ZNG1E: variants seen among roughly 807,000 people sequenced by gnomAD.
The protein encoded by ZNG1E is zinc-regulated GTPase metalloprotein activator 1E.
chr9:65,715,072 C>T, the ZNG1E span, among the ~76,000 whole-genome samples: 8 of 149,310 alleles, frequency 5.4e-5, no homozygotes, highest in East Asian at 5.8e-4. Context: ...TGGGACTCTC[C>T]GAGCCAGGTG....
chr9:65,657,804 C>A, the ZNG1E span, among the ~76,000 whole-genome samples: 1 of 152,406 alleles, frequency 6.6e-6, no homozygotes, highest in East Asian at 1.9e-4. Context: ...ACATTGTATA[C>A]TTGCATTAAA....
the ZNG1E span, among the ~76,000 whole-genome samples, chr9:65,663,890 G>T: frequency 1.3e-5 from 2 of 152,062 alleles, no homozygotes; most frequent in African/African-American, 2.4e-5. Flanking sequence ...AGTACTCCCT[G>T]AGGTAGTTCA....
At chr9:65,691,002 T>G in the ZNG1E span, 1 of 1,605,010 alleles carries the variant, frequency 6.2e-7, no homozygotes. Context: ...TGATGCTGAA[T>G]TAGGGAGTGA....
chr9:65,662,403 A>G, the ZNG1E span, among the ~76,000 whole-genome samples: 1 of 152,266 alleles, frequency 6.6e-6, no homozygotes, highest in Admixed American at 6.5e-5. Context: ...AATGTGAATA[A>G]GGTCTCTGGT....
chr9:65,687,934 A>G, the ZNG1E span, among the ~76,000 whole-genome samples: 1 of 150,740 alleles, frequency 6.6e-6, no homozygotes, highest in African/African-American at 2.4e-5. Context: ...TTCTAAGAAC[A>G]TTTTCCTTGT....
At chr9:65,709,378 G>T in the ZNG1E span, among the ~76,000 whole-genome samples, 2 of 148,326 alleles carry the variant, frequency 1.3e-5, no homozygotes, top group African/African-American at 5.1e-5. Flanking sequence ...ATACTTTAAG[G>T]TTTAGGGTAC....
the ZNG1E span, among the ~76,000 whole-genome samples, chr9:65,683,994 A>C: frequency 6.6e-6 from 1 of 152,288 alleles, no homozygotes; most frequent in African/African-American, 2.4e-5. Context: ...ATAGACAAAA[A>C]CTTGACACTT....
the ZNG1E span, among the ~76,000 whole-genome samples, chr9:65,665,117 A>G: frequency 1.3e-5 from 2 of 152,260 alleles, no homozygotes; most frequent in Admixed American, 1.3e-4. Flanking sequence ...CTGAGGAGAA[A>G]TTCAAGCTGG....
At chr9:65,714,616 G>T in the ZNG1E span, among the ~76,000 whole-genome samples, 1 of 152,096 alleles carries the variant, frequency 6.6e-6, no homozygotes, top group African/African-American at 2.4e-5. Flanking sequence ...AGGACCTTCA[G>T]CTGCAGGTCT....
the ZNG1E span, among the ~76,000 whole-genome samples, chr9:65,697,582 G>A: frequency 4.0e-5 from 1 of 25,202 alleles, no homozygotes; most frequent in African/African-American, 1.3e-4. Flanking sequence ...CAAATATAGA[G>A]TATTACTATA....
chr9:65,693,832 C>T, the ZNG1E span, among the ~76,000 whole-genome samples: 5 of 151,996 alleles, frequency 3.3e-5, 1 homozygote, highest in East Asian at 5.8e-4. Context: ...GCTGGGATTA[C>T]AGGCATGAGC....
the ZNG1E span, among the ~76,000 whole-genome samples, chr9:65,660,033 C>T: frequency 1.4e-5 from 2 of 142,990 alleles, no homozygotes; most frequent in Non-Finnish European, 3.0e-5. Flanking sequence ...ATGTGCTCCA[C>T]AAAAAATAAA....
chr9:65,665,016 T>C, the ZNG1E span, among the ~76,000 whole-genome samples: 9,931 of 148,518 alleles, frequency 0.067, 4 homozygotes, highest in Admixed American at 0.081. Context: ...TTGGGTGCTG[T>C]TAAAGGTATT....
At chr9:65,659,561 A>G in the ZNG1E span, among the ~76,000 whole-genome samples, 6 of 151,828 alleles carry the variant, frequency 4.0e-5, no homozygotes, top group African/African-American at 1.5e-4. Context: ...TCACTGTGTC[A>G]GAGGATATGA....
chr9:65,691,360 G>C, the ZNG1E span, among the ~76,000 whole-genome samples: 1 of 149,632 alleles, frequency 6.7e-6, no homozygotes, highest in Non-Finnish European at 1.5e-5. Context: ...TGGGATTACA[G>C]GCTGAGCCAC....
the ZNG1E span, among the ~76,000 whole-genome samples, chr9:65,661,224 C>T: frequency 4.9e-3 from 585 of 119,608 alleles, 23 homozygotes; most frequent in Middle Eastern, 7.0e-3. Context: ...AAATTGGCTC[C>T]GGAAGAAAAT....
chr9:65,668,449 A>C, the ZNG1E span, among the ~76,000 whole-genome samples: 1 of 150,280 alleles, frequency 6.7e-6, no homozygotes, highest in South Asian at 2.1e-4. Flanking sequence ...TTTTATAGTT[A>C]TAATACATTC....
At chr9:65,725,282 GA>G in the ZNG1E span, among the ~76,000 whole-genome samples, 1 of 136,372 alleles carries the variant, frequency 7.3e-6, no homozygotes, top group Admixed American at 7.3e-5. Flanking sequence ...CACTTAACGT[GA>G]GACCTACCTT....
chr9:65,660,561 A>T, the ZNG1E span, among the ~76,000 whole-genome samples: 2 of 152,338 alleles, frequency 1.3e-5, no homozygotes, highest in Non-Finnish European at 1.5e-5. Context: ...GTTGGGGAGG[A>T]TACCTGTAAC....
Sources: allele counts gnomAD v4.1 joint callset (sites outside exome capture counted in the v4.1 genomes callset), GRCh38; gene constraint gnomAD v4.1.1; transcripts MANE v1.5; gene names NCBI Gene and HGNC (gene_info 2026-07-23, HGNC 2026-07-21).